Variants in KLHL23 observed in about 807,000 individuals in gnomAD.
The protein encoded by KLHL23 is kelch-like protein 23.
In KLHL23, 33 loss-of-function variants were observed where a neutral mutation model predicts 48.9. That is an observed-to-expected ratio of 0.67 (90% CI 0.51 to 0.90). The LOEUF (loss-of-function observed/expected upper bound fraction) is 0.90, where lower values mean the gene tolerates loss of function less well. KLHL23 is among the 40% of genes least tolerant of loss of function. The probability of loss-of-function intolerance (pLI) is 0.00; values close to 1 mark genes in which losing one functional copy is unlikely to be tolerated. For synonymous variants in KLHL23, 234 were observed against 231.6 expected, an observed-to-expected ratio of 1.01 and a Z score of -0.09; for missense variants, 608 against 669.6, an observed-to-expected ratio of 0.91 and a Z score of 1.02.
chr2:169,751,748 C>A lies in KLHL23; in HGVS notation c.*2016C>A, dbSNP rs966781364. On this transcript the variant is annotated 3_prime_UTR_variant, in exon 4 of 4. Coordinates refer to ENST00000392647, the MANE Select transcript of KLHL23 (RefSeq NM_144711.6). ...TACTATGATTGTGACTTTGTAAAAT[C>A]TTTATGCATGTGGAAGGTAATCTGC... 6.6e-6 allele frequency: 1 copy of A among 152,104 alleles called. No individual in the cohort carries two copies. Among genetic ancestry groups the A allele is most frequent in the Admixed American group, 6.5e-5 (1 of 15,274 alleles). The allele number at this position is 152,104 out of a possible 1,614,324, so 9.4% of individuals were successfully genotyped here.
intron 2 of KLHL23, 26 bp downstream of exon 2, chr2:169,736,253 T>A (rs1301486880): frequency 6.4e-7 from 1 of 1,566,776 alleles, no homozygotes; most frequent in Non-Finnish European, 8.6e-7. Context: ...GTTTATTTTG[T>A]ATTTTTTAGA....
intron 3 of KLHL23, among the ~76,000 whole-genome samples, chr2:169,747,457 G>A (rs371958851): frequency 3.0e-4 from 32 of 107,912 alleles, no homozygotes; most frequent in African/African-American, 1.1e-3. Flanking sequence ...TCCTAAAGAG[G>A]AAATCACTTT....
At position 169,747,402 on chromosome 2, in the gene KLHL23, A is replaced by AAAAAC. The variant is rs1688819802; in HGVS notation, c.1367-2016_1367-2015insCAAAA. On this transcript the variant is annotated intron_variant, in intron 3 of 3. Transcript: ENST00000392647. ...AGACTCTGTCTCTAAAAAAAAAAAA[A>AAAAAC]AAAAAACTGAGGGAGAACTTTACTG... 6.0e-5 allele frequency among the ~76,000 whole-genome samples: 9 copies of AAAAAC among 150,594 alleles called. 1 individual carries two copies. In the South Asian group the frequency reaches 1.7e-3, roughly 28 times the overall value.
In KLHL23 at chr2:169,749,738, T is replaced by G. The variant is rs1254850700; in HGVS notation, c.*6T>G. The G allele has an allele frequency of 6.3e-7, 1 of 1,578,562 alleles. No individual in the cohort carries two copies. Among genetic ancestry groups the G allele is most frequent in the African/African-American group, 1.4e-5 (1 of 73,904 alleles). On this transcript the variant is annotated 3_prime_UTR_variant, in exon 4 of 4. Coordinates refer to ENST00000392647, the MANE Select transcript of KLHL23 (RefSeq NM_144711.6). ...TTTGTGTGTATAATGTCTAATTGAA[T>G]CTGCAGAAATGACCAAGCAATCACT...
At chr2:169,736,580 T>C (rs1026447931) in intron 2 of KLHL23, among the ~76,000 whole-genome samples, 1 of 152,196 alleles carries the variant, frequency 6.6e-6, no homozygotes, top group Non-Finnish European at 1.5e-5. Flanking sequence ...CCTTGGAAGG[T>C]TTGGTCCCTA....
intron 3 of KLHL23, among the ~76,000 whole-genome samples, chr2:169,748,910 C>T (rs1688873416): frequency 6.6e-6 from 1 of 152,034 alleles, no homozygotes; most frequent in African/African-American, 2.4e-5. Context: ...GTTTCTTTAG[C>T]TTCTTGAGTT....
chr2:169,743,500 C>T (rs535064513), intron 3 of KLHL23, among the ~76,000 whole-genome samples: 25 of 152,152 alleles, frequency 1.6e-4, no homozygotes, highest in Non-Finnish European at 2.9e-4. Context: ...TAAATCAGTA[C>T]CTTGCATGAT....
chr2:169,734,937 T>A, intron 1 of KLHL23, 76 bp from the exon 2 acceptor site: 1 of 1,485,314 alleles, frequency 6.7e-7, no homozygotes. Flanking sequence ...CCGATGATAG[T>A]CAAGTTATTT....
At chr2:169,736,344 C>A in intron 2 of KLHL23, 117 bp downstream of exon 2, 2 of 1,360,556 alleles carry the variant, frequency 1.5e-6, no homozygotes, top group South Asian at 1.4e-5. Context: ...GTTAATTATA[C>A]AAATAATGCT....
chr2:169,735,662 T>C lies in KLHL23; in HGVS notation c.648T>C (p.Ile216=). The C allele has an allele frequency of 1.9e-6, 3 of 1,613,990 alleles. No individual in the cohort carries two copies. Among genetic ancestry groups the C allele is most frequent in the Non-Finnish European group, 2.5e-6 (3 of 1,180,030 alleles). Residue 216 remains isoleucine (I), a synonymous_variant, in exon 2 of 4, where the codon ATT becomes ATC. Transcript: ENST00000392647. The surrounding 1 kb of genome is among the most constrained non-coding windows in gnomAD (Gnocchi z 4.5). ...KWTAHDVENR[I]ECLYNLLSYI... ...CTGCTCATGATGTAGAAAATCGAAT[T>C]GAATGCCTCTATAATCTACTGAGCT...
chr2:169,742,645 A>C, intron 3 of KLHL23, among the ~76,000 whole-genome samples: 1 of 152,152 alleles, frequency 6.6e-6, no homozygotes, highest in South Asian at 2.1e-4. Flanking sequence ...GGTTAATCTG[A>C]AGCACACCTA....
chr2:169,747,389 T>TTAAAAA (rs557968157), intron 3 of KLHL23, among the ~76,000 whole-genome samples: 1 of 69,204 alleles, frequency 1.4e-5, no homozygotes, highest in African/African-American at 5.1e-5. Context: ...ACTCTGTCTC[T>TTAAAAA]AAAAAAAAAA....
chr2:169,748,836 G>A (rs914874579), intron 3 of KLHL23, among the ~76,000 whole-genome samples: 13 of 137,674 alleles, frequency 9.4e-5, no homozygotes, highest in South Asian at 2.5e-4. Flanking sequence ...GCAGCCCTCC[G>A]CCTGGGGGCA....
intron 3 of KLHL23, among the ~76,000 whole-genome samples, chr2:169,742,388 T>C (rs1030529160): frequency 2.0e-5 from 3 of 152,256 alleles, no homozygotes; most frequent in Non-Finnish European, 1.5e-5. Flanking sequence ...ACTACAAGTC[T>C]GTGAGCAGGT....
rs1183547720 is a variant in KLHL23 at position 169,741,313 on chromosome 2, A to C, written c.1214-72A>C. The C allele has an allele frequency of 7.2e-6, 11 of 1,528,412 alleles. No homozygotes were observed. The East Asian group carries it at 2.0e-4, about 28-fold the overall frequency. 94.7% of individuals were successfully genotyped at this position (1,528,412 alleles called of 1,614,324 possible). The stretch of plus-strand genomic sequence containing the variant: ...ATCAGTAATAACAAAAACAACAATA[A>C]ATTTAGCCCAGGGTTCACTGCAAAA... On this transcript the variant is annotated intron_variant, in intron 2 of 3. Transcript: ENST00000392647.
At chr2:169,749,315 T>A in intron 3 of KLHL23, 107 bp from the exon 4 acceptor site, 1 of 1,239,076 alleles carries the variant, frequency 8.1e-7, no homozygotes, top group Admixed American at 2.9e-5. Flanking sequence ...CCACTCCCTA[T>A]TTTTTGTGTG....
In KLHL23 at chr2:169,749,698, G is replaced by A. The variant is rs768568983; in HGVS notation, c.1643G>A (p.Arg548Gln). Residue 548 changes from arginine (R) to glutamine (Q), a missense_variant, in exon 4 of 4, where the codon CGG becomes CAG. Around this residue, in one of 3 missense-constraint regions of KLHL23, gnomAD observed 179 missense variants for 169.9 expected, o/e 1.05. Coordinates refer to ENST00000392647, the MANE Select transcript of KLHL23 (RefSeq NM_144711.6). ...EIVGNLPSAMRSHGCVCVYNV is the reference protein window; with the variant it reads ...EIVGNLPSAMQSHGCVCVYNV ...GTGGGTAATCTTCCCAGTGCCATGC[G>A]GTCTCATGGGTGTGTTTGTGTGTAT... The A allele has an allele frequency of 9.9e-6, 16 of 1,610,204 alleles. No homozygotes were observed. Among genetic ancestry groups the A allele is most frequent in the Admixed American group, 5.0e-5 (3 of 59,938 alleles).
intron 3 of KLHL23, among the ~76,000 whole-genome samples, chr2:169,744,133 G>GATAAT (rs1342674458): frequency 6.6e-6 from 1 of 152,192 alleles, no homozygotes; most frequent in Non-Finnish European, 1.5e-5. Context: ...TGATAATTAT[G>GATAAT]TAAGATGATT....
chr2:169,735,802 T>C lies in KLHL23; in HGVS notation c.788T>C (p.Met263Thr). Residue 263 changes from methionine to threonine, a missense_variant, in exon 2 of 4, where the codon ATG becomes ACG. Met to Thr is a moderately conservative substitution (Grantham distance 81). Transcript: ENST00000392647. This position sits in a 1 kb window ranked among gnomAD's most constrained non-coding sequence, Gnocchi z 4.5. ...CTAATATACAATGCCTTGAATCCCA[T>C]GCATAAAGAGATTTCCCAGAGGTCC... is the stretch of plus-strand genomic sequence containing the variant. The part of the protein sequence containing the change: ...RSLIYNALNP[M>T]HKEISQRSTA... The C allele has an allele frequency of 1.2e-6, 2 of 1,614,158 alleles. No individual in the cohort carries two copies. The highest frequency in any genetic ancestry group is 1.3e-5 in the African/African-American group (1 of 75,058).
Sources: gnomAD v4.1 joint callset for allele counts (sites outside exome capture counted in the v4.1 genomes callset) on GRCh38, gnomAD v4.1.1 for gene constraint, gnomAD v4.1.1 regional missense constraint, Gnocchi (gnomAD v3.1) non-coding constraint, MANE v1.5 for transcripts, NCBI Gene and HGNC (gene_info 2026-07-23, HGNC 2026-07-21) for gene names.